The following MCM9 variants were observed in gnomAD, a reference collection of about 807,000 sequenced individuals.
The protein encoded by MCM9 is DNA helicase MCM9.
Under a neutral mutation model 72.8 loss-of-function variants are expected in MCM9, and 55 were observed. The observed-to-expected ratio is 0.76, with a 90% CI of 0.61 to 0.95. The LOEUF (loss-of-function observed/expected upper bound fraction) is 0.95, where lower values mean the gene tolerates loss of function less well. Among genes scored for constraint, MCM9 ranks in the 40% least tolerant of loss-of-function variants. The pLI, the probability that MCM9 is intolerant of heterozygous loss-of-function variation, is 0.00. For synonymous variants in MCM9, 480 were observed against 503.4 expected (o/e 0.95, Z 0.62); for missense variants, 1,279 against 1,377.0 (o/e 0.93, Z 1.13).
chr6:118,932,046 C>T lies in MCM9; in HGVS notation c.-15-308G>A, dbSNP rs1322195219. Among the ~76,000 whole-genome samples the T allele has an allele frequency of 5.9e-5, 9 of 152,214 alleles. No individual in the cohort carries two copies. The East Asian group carries it at 1.7e-3, about 29-fold the overall frequency. On this transcript the variant is annotated intron_variant, in intron 2 of 13. Coordinates refer to ENST00000619706, the MANE Select transcript of MCM9 (RefSeq NM_017696.3). ...TTCATATTAACCCTGCATTAATATACAGGCATGCACCTAACAACATTTCCG... is the reference window on the plus strand; with the variant it reads ...TTCATATTAACCCTGCATTAATATATAGGCATGCACCTAACAACATTTCCG...
intron 9 of MCM9, among the ~76,000 whole-genome samples, chr6:118,838,252 T>C (rs910624380): frequency 2.0e-5 from 3 of 148,644 alleles, no homozygotes; most frequent in Non-Finnish European, 3.0e-5. Context: ...AAGCTTCGCC[T>C]CCCAGGTTCA....
intron 9 of MCM9, among the ~76,000 whole-genome samples, chr6:118,841,548 T>C (rs1775367373): frequency 6.6e-6 from 1 of 152,218 alleles, no homozygotes; most frequent in African/African-American, 2.4e-5. Context: ...AAAGTAGGTT[T>C]TGACAATGCA....
chr6:118,896,966 T>G (rs934743157), intron 8 of MCM9, among the ~76,000 whole-genome samples: 1 of 152,042 alleles, frequency 6.6e-6, no homozygotes, highest in African/African-American at 2.4e-5. Flanking sequence ...GCCTCCTGAA[T>G]AGCTGGGACC....
At chr6:118,851,057 G>A (rs530065204) in intron 9 of MCM9, among the ~76,000 whole-genome samples, 51 of 151,690 alleles carry the variant, frequency 3.4e-4, no homozygotes, top group Non-Finnish European at 6.8e-4. Context: ...CTGGGCTCAA[G>A]GGATCCTCCT....
intron 8 of MCM9, among the ~76,000 whole-genome samples, chr6:118,892,823 T>C (rs1779036836): frequency 6.6e-6 from 1 of 152,206 alleles, no homozygotes; most frequent in Non-Finnish European, 1.5e-5. Flanking sequence ...TAACCGGTTT[T>C]CCTAAATGTA....
chr6:118,828,505 C>A (rs1774319575), intron 10 of MCM9, among the ~76,000 whole-genome samples: 1 of 151,972 alleles, frequency 6.6e-6, no homozygotes, highest in Admixed American at 6.5e-5. Context: ...CCTGCCTCAG[C>A]CTCTGCAGCA....
At chr6:118,907,347 A>G (rs1183581024) in intron 8 of MCM9, 3 of 1,229,650 alleles carry the variant, frequency 2.4e-6, no homozygotes, top group Non-Finnish European at 3.5e-6. Flanking sequence ...CTATTTGTAT[A>G]TGGTGATTTA....
At chr6:118,837,642 T>C (rs1238128804) in intron 9 of MCM9, among the ~76,000 whole-genome samples, 2 of 152,200 alleles carry the variant, frequency 1.3e-5, no homozygotes, top group Non-Finnish European at 2.9e-5. Flanking sequence ...TTGCCTTTTT[T>C]TATCTTAGTT....
chr6:118,900,954 C>G (rs1779763637), intron 8 of MCM9: 2 of 1,040,332 alleles, frequency 1.9e-6, no homozygotes, highest in Admixed American at 3.8e-5. Flanking sequence ...TATCTTATAA[C>G]CCTTATCCCT....
intron 8 of MCM9, among the ~76,000 whole-genome samples, chr6:118,902,169 G>GC (rs1187734881): frequency 6.6e-6 from 1 of 152,152 alleles, no homozygotes; most frequent in Non-Finnish European, 1.5e-5. Flanking sequence ...GTAACAGAAT[G>GC]CCCTGTTCTG....
At chr6:118,840,548 G>T (rs36147455) in intron 9 of MCM9, among the ~76,000 whole-genome samples, 151,773 of 152,236 alleles carry the variant, frequency 1, 75,658 homozygotes, top group Middle Eastern at 1. Flanking sequence ...CGCAGCAACA[G>T]TGACATATTA....
intron 8 of MCM9, chr6:118,907,602 G>T: frequency 6.2e-7 from 1 of 1,613,116 alleles, no homozygotes; most frequent in Middle Eastern, 1.7e-4. Context: ...AATCCCACAT[G>T]GACTGCATGT....
intron 8 of MCM9, chr6:118,894,024 C>T (rs1779160563): frequency 1.0e-6 from 1 of 990,986 alleles, no homozygotes; most frequent in Non-Finnish European, 1.2e-6. Context: ...TTATTCCACT[C>T]ACTTTGTTCT....
intron 9 of MCM9, among the ~76,000 whole-genome samples, chr6:118,853,486 G>A (rs1259508930): frequency 2.0e-5 from 3 of 151,934 alleles, no homozygotes; most frequent in African/African-American, 7.3e-5. Context: ...TTGGGGAACA[G>A]GTGGTGTTTG....
intron 9 of MCM9, among the ~76,000 whole-genome samples, chr6:118,837,746 T>C (rs1775064550): frequency 6.6e-6 from 1 of 152,234 alleles, no homozygotes; most frequent in African/African-American, 2.4e-5. Context: ...TTTGAGCCTA[T>C]GTGTGTATTT....
At chr6:118,894,602 G>A in intron 8 of MCM9, 2 of 1,265,232 alleles carry the variant, frequency 1.6e-6, no homozygotes, top group African/African-American at 1.5e-5. Context: ...GCCTCGCGCT[G>A]GGCGGCTGTG....
chr6:118,854,063 G>C (rs1776401261), intron 9 of MCM9, among the ~76,000 whole-genome samples: 1 of 152,160 alleles, frequency 6.6e-6, no homozygotes, highest in South Asian at 2.1e-4. Flanking sequence ...CTAGCAAACA[G>C]AAATTAATAT....
intron 8 of MCM9, among the ~76,000 whole-genome samples, chr6:118,909,589 C>T (rs1285624426): frequency 6.6e-6 from 1 of 152,154 alleles, no homozygotes; most frequent in South Asian, 2.1e-4. Flanking sequence ...AGAATATAAA[C>T]ATGAACCAAT....
chr6:118,900,990 C>T, intron 8 of MCM9: 2 of 746,974 alleles, frequency 2.7e-6, no homozygotes, highest in Middle Eastern at 5.3e-4. Context: ...AGAACTGCTT[C>T]TGCTGCATTC....
Sources: gnomAD v4.1 joint callset for allele counts (sites outside exome capture counted in the v4.1 genomes callset) on GRCh38, gnomAD v4.1.1 for gene constraint, MANE v1.5 for transcripts, NCBI Gene and HGNC (gene_info 2026-07-23, HGNC 2026-07-21) for gene names.